Variants in CCDC82 observed in about 807,000 individuals in gnomAD.
The protein encoded by CCDC82 is coiled-coil domain containing 82, also known as coiled-coil domain-containing protein 82.
CCDC82 carries 47 observed loss-of-function variants against 60.6 expected under a neutral mutation model. The ratio of observed to expected loss-of-function variants is 0.77; its 90% confidence interval spans 0.61 to 0.99. The LOEUF (loss-of-function observed/expected upper bound fraction) is 0.99. Among genes scored for constraint, CCDC82 ranks in the 50% least tolerant of loss-of-function variants. CCDC82 has a pLI of 0.00. For synonymous variants in CCDC82, 212 were observed against 207.4 expected, an observed-to-expected ratio of 1.02 and a Z score of -0.19; for missense variants, 588 against 633.0, an observed-to-expected ratio of 0.93 and a Z score of 0.76.
chr11:96,360,202 T>A (rs1047945488), intron 8 of CCDC82, among the ~76,000 whole-genome samples: 110 of 118,524 alleles, frequency 9.3e-4, no homozygotes, highest in South Asian at 6.2e-3. Context: ...ATATATATTT[T>A]TTTTGTTTTT....
chr11:96,373,564 T>C (rs79634963), intron 5 of CCDC82, 97 bp from the exon 6 acceptor site: 15 of 687,028 alleles, frequency 2.2e-5, no homozygotes, highest in African/African-American at 3.8e-5. Flanking sequence ...ATTAAAACTA[T>C]AGATAGCACA....
chr11:96,365,179 TA>T (rs772768175), intron 7 of CCDC82, 29 bp from the exon 8 acceptor site: 1 of 1,368,392 alleles, frequency 7.3e-7, no homozygotes, highest in Non-Finnish European at 9.9e-7. Context: ...AAAAAAAGTT[TA>T]AAAGATAAAG....
Position 96,365,838 on chromosome 11 carries a change from T to C in CCDC82, c.1210-688A>G, listed in dbSNP as rs374988717. On this transcript the variant is annotated intron_variant, in intron 7 of 9. Coordinates refer to ENST00000646818, the MANE Select transcript of CCDC82 (RefSeq NM_024725.4). ...CCTGTGCTAGATACTACTATTCTAA[T>C]TGGTAGTGTAGATTAGGTTTTAATA... 2.0e-4 allele frequency among the ~76,000 whole-genome samples: 30 copies of C among 152,358 alleles called. No individual in the cohort carries two copies. The South Asian group carries it at 3.9e-3, about 20-fold the overall frequency.
chr11:96,373,539 C>T, intron 5 of CCDC82, 72 bp from the exon 6 acceptor site: 1 of 845,844 alleles, frequency 1.2e-6, no homozygotes, highest in Non-Finnish European at 1.9e-6. Flanking sequence ...AGGTTCCATT[C>T]TCCACTGCTA....
intron 9 of CCDC82, chr11:96,356,574 T>G (rs1864360575): frequency 2.0e-6 from 2 of 984,936 alleles, no homozygotes; most frequent in Non-Finnish European, 2.4e-6. Flanking sequence ...GAACAAATAT[T>G]CGTTAGAATT....
chr11:96,388,730 TTACA>T (rs1286912065), intron 1 of CCDC82: 1 of 152,180 alleles, frequency 6.6e-6, no homozygotes, highest in Non-Finnish European at 1.5e-5. Context: ...AGTTAACACT[TTACA>T]GATTTGAAAG....
chr11:96,356,604 G>A, intron 9 of CCDC82: 2 of 978,648 alleles, frequency 2.0e-6, no homozygotes, highest in Non-Finnish European at 2.4e-6. Flanking sequence ...TCATATTAGA[G>A]TATGTTATTG....
At chr11:96,373,349 T>C (rs1230423812) in intron 6 of CCDC82, 26 bp downstream of exon 6, 1 of 1,372,864 alleles carries the variant, frequency 7.3e-7, no homozygotes, top group African/African-American at 1.5e-5. Context: ...TAAAAACCAA[T>C]TGTTTCATTC....
Position 96,387,863 on chromosome 11 carries a change from A to C in CCDC82, c.-138-250T>G, listed in dbSNP as rs570933170. ...CAGACTTCCCTCTTATCATCTTATTAATAACACCAATTGCAAAATTTAAAG... is the reference window on the plus strand; with the variant it reads ...CAGACTTCCCTCTTATCATCTTATTCATAACACCAATTGCAAAATTTAAAG... On this transcript the variant is annotated intron_variant, in intron 1 of 9. Coordinates refer to ENST00000646818, the MANE Select transcript of CCDC82 (RefSeq NM_024725.4). 8 of 152,350 alleles carry C rather than the reference A, an allele frequency of 5.3e-5. No homozygotes were observed. The South Asian group carries it at 1.7e-3, about 32-fold the overall frequency. 9.4% of individuals were successfully genotyped at this position (152,350 alleles called of 1,614,324 possible).
Position 96,385,562 on chromosome 11 carries a change from T to C in CCDC82, c.-15+692A>G, listed in dbSNP as rs147395791. 3 of 152,302 alleles carry C rather than the reference T, an allele frequency of 2.0e-5. No individual in the cohort carries two copies. The East Asian group carries it at 5.8e-4, about 29-fold the overall frequency. The allele number at this position is 152,302 out of a possible 1,614,324, so 9.4% of individuals were successfully genotyped here. A position where few individuals can be genotyped will look rare whatever the true frequency, so the allele number is the denominator to read the frequency against. Reference sequence around the variant, plus strand: ...ATATCCACTAAGATTGTAGCCTCTTTATACCTTAGTAAAATGGGAGTGGCT... The same window carrying C: ...ATATCCACTAAGATTGTAGCCTCTTCATACCTTAGTAAAATGGGAGTGGCT... On this transcript the variant is annotated intron_variant, in intron 3 of 9. Coordinates refer to ENST00000646818, the MANE Select transcript of CCDC82 (RefSeq NM_024725.4).
chr11:96,387,462 C>G (rs1414016027), intron 2 of CCDC82, 68 bp downstream of exon 2: 1 of 152,046 alleles, frequency 6.6e-6, no homozygotes, highest in Admixed American at 6.5e-5. Context: ...GACAATGATC[C>G]TAGAAGGAAG....
chr11:96,379,221 T>C (rs1437166240), intron 5 of CCDC82, among the ~76,000 whole-genome samples: 1 of 151,972 alleles, frequency 6.6e-6, no homozygotes, highest in Admixed American at 6.6e-5. Context: ...ATGCAATTTT[T>C]AGAACATAAT....
chr11:96,388,736 A>T (rs1276997204), intron 1 of CCDC82: 2 of 152,228 alleles, frequency 1.3e-5, no homozygotes, highest in Non-Finnish European at 2.9e-5. Context: ...CACTTTACAG[A>T]TTTGAAAGGC....
At chr11:96,385,233 CAGAA>C (rs1324598792) in intron 3 of CCDC82, 1 of 152,144 alleles carries the variant, frequency 6.6e-6, no homozygotes, top group Non-Finnish European at 1.5e-5. Context: ...TGTATTTGAA[CAGAA>C]AGAACGAAAG....
intron 9 of CCDC82, 84 bp from the exon 10 acceptor site, chr11:96,353,798 G>T (rs946539902): frequency 5.8e-5 from 50 of 859,888 alleles, no homozygotes; most frequent in Non-Finnish European, 8.8e-5. Context: ...ACACAATTAG[G>T]ATAAGTCCAT....
At position 96,384,019 on chromosome 11, in the gene CCDC82, G is replaced by C. The variant is rs757429964; in HGVS notation, c.729C>G (p.Leu243=). The C allele has an allele frequency of 8.1e-6, 13 of 1,613,556 alleles. No homozygotes were observed. Among genetic ancestry groups the C allele is most frequent in the Admixed American group, 3.3e-5 (2 of 59,966 alleles). ...AAQKREKLQK[L]KELSKQRSRQ... ...GAGATCTTTGTTTTGAGAGTTCTTT[G>C]AGCTTCTGAAGTTTTTCTCGCTTTT... The change falls in exon 4 of 10, where the codon CTC becomes CTG. Residue 243 remains leucine, a synonymous_variant. Coordinates refer to ENST00000646818, the MANE Select transcript of CCDC82 (RefSeq NM_024725.4).
Position 96,384,020 on chromosome 11 carries a change from A to C in CCDC82, c.728T>G (p.Leu243Arg), listed in dbSNP as rs1202280549. 3.5e-5 allele frequency: 56 copies of C among 1,613,586 alleles called. No homozygotes were observed. The highest frequency in any genetic ancestry group is 4.7e-5 in the Non-Finnish European group (55 of 1,179,668). ...AAQKREKLQK[L>R]KELSKQRSRQ... Reference sequence around the variant, plus strand: ...AGATCTTTGTTTTGAGAGTTCTTTGAGCTTCTGAAGTTTTTCTCGCTTTTG... The same window carrying C: ...AGATCTTTGTTTTGAGAGTTCTTTGCGCTTCTGAAGTTTTTCTCGCTTTTG... The change falls in exon 4 of 10, where the codon CTC (leucine) becomes CGC (arginine). Residue 243 changes from leucine to arginine, a missense_variant. Transcript: ENST00000646818.
In CCDC82 at chr11:96,384,052, T is replaced by C. The variant is rs747499025; in HGVS notation, c.696A>G (p.Leu232=). The change falls in exon 4 of 10, where the codon TTA becomes TTG. Residue 232 remains leucine (L), a synonymous_variant. Transcript: ENST00000646818. ...EMEQKTPEKT[L]AAQKREKLQK... Reference sequence around the variant, plus strand: ...GAAGTTTTTCTCGCTTTTGTGCAGCTAATGTTTTTTCAGGAGTCTTTTGCT... The same window carrying C: ...GAAGTTTTTCTCGCTTTTGTGCAGCCAATGTTTTTTCAGGAGTCTTTTGCT... 7.4e-6 allele frequency: 12 copies of C among 1,613,818 alleles called. No homozygotes were observed. Among genetic ancestry groups the C allele is most frequent in the Admixed American group, 3.3e-5 (2 of 59,986 alleles).
At chr11:96,379,215 A>C (rs763063736) in intron 5 of CCDC82, among the ~76,000 whole-genome samples, 1 of 151,958 alleles carries the variant, frequency 6.6e-6, no homozygotes, top group African/African-American at 2.4e-5. Flanking sequence ...TTTCAAATGC[A>C]ATTTTTAGAA....
Sources: allele counts gnomAD v4.1 joint callset (sites outside exome capture counted in the v4.1 genomes callset), GRCh38; gene constraint gnomAD v4.1.1; transcripts MANE v1.5; gene names NCBI Gene and HGNC (gene_info 2026-07-23, HGNC 2026-07-21).